LRBA: variants seen among roughly 807,000 people sequenced by gnomAD.
The protein encoded by LRBA is LPS responsive beige-like anchor protein.
LRBA carries 176 observed loss-of-function variants against 330.0 expected under a neutral mutation model. That is an observed-to-expected ratio of 0.53 (90% CI 0.47 to 0.60). The LOEUF (loss-of-function observed/expected upper bound fraction) is 0.60, where lower values mean the gene tolerates loss of function less well. LRBA is among the 20% of genes least tolerant of loss of function. The pLI is 0.00. For synonymous variants in LRBA, 1,230 were observed against 1,193.0 expected, an observed-to-expected ratio of 1.03 and a Z score of -0.64; for missense variants, 3,259 against 3,444.8, an observed-to-expected ratio of 0.95 and a Z score of 1.35.
intron 2 of LRBA, chr4:151,013,202 G>T (rs1446103607): frequency 3.9e-5 from 6 of 152,206 alleles, no homozygotes; most frequent in African/African-American, 1.4e-4. Context: ...AAAGGGAAAG[G>T]TGCTAAACAG....
intron 44 of LRBA, among the ~76,000 whole-genome samples, chr4:150,441,151 T>C (rs1240456852): frequency 2.0e-5 from 3 of 151,902 alleles, no homozygotes; most frequent in Non-Finnish European, 2.9e-5. Context: ...GGTTATTTGA[T>C]GAAGAATATT....
intron 39 of LRBA, among the ~76,000 whole-genome samples, chr4:150,589,037 GTA>G (rs1279724425): frequency 8.6e-6 from 1 of 115,684 alleles, no homozygotes; most frequent in Admixed American, 8.5e-5. Context: ...GTCTGTGTGT[GTA>G]TACACACACA....
chr4:150,658,359 CA>C (rs773218827), intron 37 of LRBA, among the ~76,000 whole-genome samples: 1,281 of 99,942 alleles, frequency 0.013, 8 homozygotes, highest in African/African-American at 0.029. Flanking sequence ...GTCTGCAAGC[CA>C]AAAAAAAAAA....
intron 48 of LRBA, among the ~76,000 whole-genome samples, chr4:150,340,735 T>C (rs1735412224): frequency 6.6e-6 from 1 of 152,246 alleles, no homozygotes; most frequent in African/African-American, 2.4e-5. Context: ...AAACATCCTT[T>C]TCATGTAGTG....
chr4:150,950,577 A>AC (rs1736721130), intron 2 of LRBA, among the ~76,000 whole-genome samples: 1 of 151,636 alleles, frequency 6.6e-6, no homozygotes, highest in Middle Eastern at 3.2e-3. Flanking sequence ...TCTCCACCAA[A>AC]AAAAAAAAAT....
chr4:150,609,656 A>G (rs908161455), intron 37 of LRBA, among the ~76,000 whole-genome samples: 5 of 152,230 alleles, frequency 3.3e-5, no homozygotes, highest in Non-Finnish European at 7.3e-5. Flanking sequence ...AGTGGCTGGA[A>G]GGAAAAGTAG....
At chr4:150,875,815 C>T (rs1482145501) in intron 17 of LRBA, among the ~76,000 whole-genome samples, 2 of 152,206 alleles carry the variant, frequency 1.3e-5, no homozygotes, top group African/African-American at 4.8e-5. Flanking sequence ...AAACTTCAGA[C>T]ACCATGAAAA....
intron 36 of LRBA, among the ~76,000 whole-genome samples, chr4:150,688,463 T>C (rs1043267353): frequency 6.6e-5 from 10 of 152,138 alleles, no homozygotes; most frequent in African/African-American, 2.4e-4. Flanking sequence ...TGGGATCTAA[T>C]TAAACTAAAG....
intron 37 of LRBA, among the ~76,000 whole-genome samples, chr4:150,633,975 C>T (rs375451339): frequency 2.0e-5 from 3 of 152,046 alleles, no homozygotes; most frequent in African/African-American, 7.2e-5. Context: ...ATTAGTTGGG[C>T]GTGGTGGCGG....
chr4:150,592,929 T>C (rs1011151907), intron 38 of LRBA, among the ~76,000 whole-genome samples: 18 of 152,130 alleles, frequency 1.2e-4, no homozygotes, highest in African/African-American at 4.1e-4. Flanking sequence ...TCATCTCACC[T>C]GGCCTATTTT....
rs747483274 is a variant in LRBA, at chr4:150,401,167, G to A, written c.7194+14271C>T. ...AATTGAAGGACCTATCAGAAGCTCGGAGAGAGGCCTGGAACAGATCCTTCT... is the reference window on the plus strand; with the variant it reads ...AATTGAAGGACCTATCAGAAGCTCGAAGAGAGGCCTGGAACAGATCCTTCT... On this transcript the variant is annotated intron_variant, in intron 47 of 56. Transcript: ENST00000651943. 1.9e-3 allele frequency among the ~76,000 whole-genome samples: 296 copies of A among 152,350 alleles called. 2 individuals are homozygous for A. The highest frequency in any genetic ancestry group is 0.014 in the Middle Eastern group (4 of 294).
In LRBA at chr4:150,868,251, C is replaced by T. The variant is rs866363880; in HGVS notation, c.2504G>A (p.Ser835Asn). The stretch of plus-strand genomic sequence containing the variant: ...AAGAAAGGCTCTGCGAACCTCCATG[C>T]TCTCTGGGCACTGGGGAGAATTTCG... ...LLRNSPQCPE[S>N]MEVRRAFLSD... The change falls in exon 21 of 57, where the codon AGC becomes AAC. Residue 835 changes from serine (S) to asparagine (N), a missense_variant. Transcript: ENST00000651943. The T allele has an allele frequency of 2.8e-5, 45 of 1,612,262 alleles. No homozygotes were observed. The highest frequency in any genetic ancestry group is 3.8e-5 in the Non-Finnish European group (45 of 1,178,658).
chr4:150,359,310 T>A (rs974614444), intron 47 of LRBA, among the ~76,000 whole-genome samples: 1 of 152,160 alleles, frequency 6.6e-6, no homozygotes, highest in Non-Finnish European at 1.5e-5. Context: ...AAATGAGACA[T>A]CCCTTTGGAA....
At chr4:150,796,158 C>A (rs1031426369) in intron 34 of LRBA, among the ~76,000 whole-genome samples, 6 of 151,878 alleles carry the variant, frequency 4.0e-5, no homozygotes, top group Admixed American at 3.9e-4. Context: ...AATTATCAAT[C>A]AAACTCAAGC....
chr4:150,531,514 C>T (rs1764053710), intron 40 of LRBA, among the ~76,000 whole-genome samples: 1 of 152,080 alleles, frequency 6.6e-6, no homozygotes, highest in African/African-American at 2.4e-5. Context: ...TGTTTATTTC[C>T]ATGTCTATCC....
rs74837340 is a variant in LRBA at position 150,381,678 on chromosome 4, T to C, written c.7195-31519A>G. 6.4e-3 allele frequency among the ~76,000 whole-genome samples: 978 copies of C among 151,972 alleles called. 14 individuals carry two copies. The highest frequency in any genetic ancestry group is 0.022 in the African/African-American group (923 of 41,536). On this transcript the variant is annotated intron_variant, in intron 47 of 56. Transcript: ENST00000651943. ...ATAAACATTAATGAATATGTTTTTG[T>C]ATGGATATGTTTCCAATTATCTTGG...
Position 150,900,166 on chromosome 4 carries a change from T to A in LRBA, c.1807A>T (p.Asn603Tyr). The A allele has an allele frequency of 6.2e-7, 1 of 1,613,144 alleles. No homozygotes were observed. The highest frequency in any genetic ancestry group is 1.1e-5 in the South Asian group (1 of 91,020). ...ACTCTCCGAATGGTGTTATATATGT[T>A]GACTGTACCAATGAATTCCGTGGAC... ...YLSTEFIGTV[N>Y]IYNTIRRVGT... Residue 603 changes from asparagine (N) to tyrosine (Y), a missense_variant, in exon 14 of 57, where the codon AAC becomes TAC. Coordinates refer to ENST00000651943, the MANE Select transcript of LRBA (RefSeq NM_001364905.1).
At chr4:150,409,949 T>A (rs1030112459) in intron 47 of LRBA, among the ~76,000 whole-genome samples, 1 of 152,118 alleles carries the variant, frequency 6.6e-6, no homozygotes, top group Admixed American at 6.6e-5. Flanking sequence ...GGAGATACCC[T>A]CAGCTAACAA....
intron 37 of LRBA, among the ~76,000 whole-genome samples, chr4:150,669,415 C>T (rs925442313): frequency 2.0e-5 from 3 of 152,132 alleles, no homozygotes; most frequent in Admixed American, 6.6e-5. Flanking sequence ...ATAACTAATA[C>T]AGAATCCCAA....
Sources: gnomAD v4.1 joint callset for allele counts (sites outside exome capture counted in the v4.1 genomes callset) on GRCh38, gnomAD v4.1.1 for gene constraint, MANE v1.5 for transcripts, NCBI Gene and HGNC (gene_info 2026-07-23, HGNC 2026-07-21) for gene names.